The following PDZD2 variants were observed in gnomAD, a reference collection of about 807,000 sequenced individuals.
The protein encoded by PDZD2 is PDZ domain containing 2.
In PDZD2, 90 loss-of-function variants were observed where a neutral mutation model predicts 220.7. The ratio of observed to expected loss-of-function variants is 0.41; its 90% CI spans 0.34 to 0.49. The LOEUF (loss-of-function observed/expected upper bound fraction) is 0.49, where lower values mean the gene tolerates loss of function less well. Ranked by LOEUF, PDZD2 falls within the 20% of genes least tolerant of loss-of-function variation. PDZD2 has a pLI of 0.28. For synonymous variants in PDZD2, 1,375 were observed against 1,450.5 expected, an observed-to-expected ratio of 0.95 and a Z score of 1.18; for missense variants, 3,174 against 3,608.5, an observed-to-expected ratio of 0.88 and a Z score of 3.08.
chr5:31,895,827 G>A (rs186442369), intron 2 of PDZD2, among the ~76,000 whole-genome samples: 4 of 152,192 alleles, frequency 2.6e-5, no homozygotes, highest in East Asian at 1.9e-4. Context: ...CCTGAGCAGC[G>A]TAGCCTTTTC....
chr5:31,927,225 T>C (rs1275479281), intron 2 of PDZD2, among the ~76,000 whole-genome samples: 1 of 152,122 alleles, frequency 6.6e-6, no homozygotes, highest in African/African-American at 2.4e-5. Flanking sequence ...AAGTAGAAAT[T>C]TTAAAAAATT....
chr5:31,682,087 C>A (rs1160951991), intron 1 of PDZD2, among the ~76,000 whole-genome samples: 4 of 152,106 alleles, frequency 2.6e-5, no homozygotes, highest in African/African-American at 9.7e-5. Context: ...AAATTAGACC[C>A]AAGTGGCGAG....
intron 2 of PDZD2, among the ~76,000 whole-genome samples, chr5:31,922,013 T>TTA: frequency 6.6e-6 from 1 of 152,176 alleles, no homozygotes; most frequent in Non-Finnish European, 1.5e-5. Context: ...TTCAAACTGT[T>TTA]TTAGATAGAG....
intron 1 of PDZD2, among the ~76,000 whole-genome samples, chr5:31,731,028 G>A (rs1355347176): frequency 6.6e-6 from 1 of 152,182 alleles, no homozygotes; most frequent in Non-Finnish European, 1.5e-5. Context: ...CTCTGTTTGA[G>A]CTCCCAAGGT....
intron 6 of PDZD2, among the ~76,000 whole-genome samples, chr5:32,025,389 G>A (rs1191596913): frequency 1.3e-5 from 2 of 151,832 alleles, no homozygotes; most frequent in East Asian, 2.0e-4. Flanking sequence ...GCCGAGCGTG[G>A]TGGCACATGC....
At chr5:31,715,352 C>A (rs183756150) in intron 1 of PDZD2, among the ~76,000 whole-genome samples, 6 of 152,176 alleles carry the variant, frequency 3.9e-5, no homozygotes, top group Admixed American at 3.9e-4. Flanking sequence ...TTTTGGATGC[C>A]CCATGGGAAA....
rs755580899 is a variant in PDZD2 at position 32,098,682 on chromosome 5, A to G, written c.8218+48A>G. ...CAGCAGGCTGTGAGCTACTGCAGAA[A>G]GAGGAGATTCTGGTTGAACATGAAG... On this transcript the variant is annotated intron_variant, in intron 23 of 24. Transcript: ENST00000438447. This position sits in a 1 kb window ranked among gnomAD's most constrained non-coding sequence, Gnocchi z 4.1. 7.8e-6 allele frequency: 12 copies of G among 1,541,860 alleles called. No individual in the cohort carries two copies. In the African/African-American group the frequency reaches 1.1e-4, roughly 14 times the overall value.
intron 3 of PDZD2, among the ~76,000 whole-genome samples, chr5:31,992,884 C>T (rs58782314): frequency 0.023 from 3,384 of 148,066 alleles, 121 homozygotes; most frequent in African/African-American, 0.078. Flanking sequence ...AAAAAAGCCA[C>T]CATCCTACTC....
chr5:31,778,539 G>C, intron 1 of PDZD2, among the ~76,000 whole-genome samples: 1 of 152,118 alleles, frequency 6.6e-6, no homozygotes, highest in East Asian at 1.9e-4. Context: ...CGCCTTAAGA[G>C]CTGTAACACT....
At position 31,639,219 on chromosome 5, in the gene PDZD2, C is replaced by T. The variant is rs1414458028; in HGVS notation, c.-579C>T. 6.6e-6 allele frequency among the ~76,000 whole-genome samples: 1 copy of T among 151,680 alleles called. No individual in the cohort carries two copies. On this transcript the variant is annotated 5_prime_UTR_variant, in exon 1 of 25. Transcript: ENST00000438447. The surrounding 1 kb of genome is among the most constrained non-coding windows in gnomAD (Gnocchi z 4.1). The stretch of plus-strand genomic sequence containing the variant: ...CCCCGGGCAGCGGGACGCGGCGGGG[C>T]GGCGGCTGCAGGCAGCCGAGGAGCC...
chr5:31,975,640 T>C (rs1581195406), intron 2 of PDZD2, among the ~76,000 whole-genome samples: 1 of 152,278 alleles, frequency 6.6e-6, no homozygotes, highest in Non-Finnish European at 1.5e-5. Flanking sequence ...GAGTGCACTG[T>C]TCTAGTCACA....
At chr5:31,791,329 G>A (rs1753712558) in intron 1 of PDZD2, among the ~76,000 whole-genome samples, 1 of 151,898 alleles carries the variant, frequency 6.6e-6, no homozygotes, top group Non-Finnish European at 1.5e-5. Context: ...AGTGGCTCAC[G>A]CCTGTAATCC....
chr5:32,097,133 A>G (rs1487848655), intron 21 of PDZD2, 146 bp from the exon 22 acceptor site: 3 of 625,122 alleles, frequency 4.8e-6, no homozygotes, highest in Non-Finnish European at 8.5e-6. Flanking sequence ...GCTGAGAGCC[A>G]AAGAACCTTT....
intron 1 of PDZD2, among the ~76,000 whole-genome samples, chr5:31,657,832 C>T (rs1414881750): frequency 2.6e-5 from 4 of 152,098 alleles, no homozygotes; most frequent in Admixed American, 6.5e-5. Context: ...GTGCTGCTCC[C>T]GGCAACACCC....
At chr5:31,732,373 T>TTTGCTAGCAAACTGTTGCCTGATTGATGG (rs1366192525) in intron 1 of PDZD2, among the ~76,000 whole-genome samples, 4 of 152,074 alleles carry the variant, frequency 2.6e-5, no homozygotes, top group Admixed American at 2.6e-4. Context: ...TTTTTGCAGG[T>TTTGCTAGCAAACTGTTGCCTGATTGATGG]TTGCTAGCAA....
chr5:32,054,093 A>AGATAATATGTG (rs1317091872), intron 10 of PDZD2, among the ~76,000 whole-genome samples: 1 of 152,090 alleles, frequency 6.6e-6, no homozygotes, highest in Non-Finnish European at 1.5e-5. Context: ...GGATTACATG[A>AGATAATATGTG]GATAATATGT....
chr5:31,670,614 G>T (rs958343272), intron 1 of PDZD2, among the ~76,000 whole-genome samples: 2 of 151,890 alleles, frequency 1.3e-5, no homozygotes, highest in Non-Finnish European at 2.9e-5. Flanking sequence ...GTAGAGACGG[G>T]GTTTCACCAT....
intron 1 of PDZD2, among the ~76,000 whole-genome samples, chr5:31,796,931 T>G (rs961853844): frequency 7.9e-5 from 11 of 138,532 alleles, no homozygotes; most frequent in Admixed American, 2.1e-4. Flanking sequence ...TTTTTGTTTT[T>G]TTGTTTTTTT....
intron 6 of PDZD2, among the ~76,000 whole-genome samples, chr5:32,022,114 A>AT (rs1754242780): frequency 1.3e-5 from 2 of 149,318 alleles, no homozygotes; most frequent in African/African-American, 4.9e-5. Context: ...CTCTCATGGT[A>AT]TTTTTTATAT....
Sources: gnomAD v4.1 joint callset for allele counts (sites outside exome capture counted in the v4.1 genomes callset) on GRCh38, gnomAD v4.1.1 for gene constraint, Gnocchi (gnomAD v3.1) non-coding constraint, MANE v1.5 for transcripts, NCBI Gene and HGNC (gene_info 2026-07-23, HGNC 2026-07-21) for gene names.